Variants in SRBD1 observed in about 807,000 individuals in gnomAD.
SRBD1 encodes S1 RNA-binding domain-containing protein 1.
Under a neutral mutation model 115.3 loss-of-function variants are expected in SRBD1, and 88 were observed. That is an observed-to-expected ratio of 0.76 (90% CI 0.64 to 0.91). The LOEUF is 0.91. SRBD1 is among the 40% of genes least tolerant of loss of function. The pLI, the probability that SRBD1 is intolerant of heterozygous loss-of-function variation, is 0.00. For missense variants in SRBD1, 1,385 were observed against 1,177.4 expected, an observed-to-expected ratio of 1.18 and a Z score of -2.58; for synonymous variants, 509 against 407.7, an observed-to-expected ratio of 1.25 and a Z score of -2.99.
At chr2:45,444,951 T>A (rs769768210) in intron 16 of SRBD1, among the ~76,000 whole-genome samples, 1 of 152,180 alleles carries the variant, frequency 6.6e-6, no homozygotes, top group Non-Finnish European at 1.5e-5. Flanking sequence ...TGCCAGATGA[T>A]GAACATAAAA....
intron 16 of SRBD1, among the ~76,000 whole-genome samples, chr2:45,428,469 T>G (rs1050928875): frequency 3.3e-5 from 5 of 151,944 alleles, no homozygotes; most frequent in Non-Finnish European, 7.4e-5. Flanking sequence ...GAGAATGGCG[T>G]GAACCCGGGA....
At chr2:45,479,801 T>C (rs1669908036) in intron 15 of SRBD1, among the ~76,000 whole-genome samples, 1 of 152,206 alleles carries the variant, frequency 6.6e-6, no homozygotes, top group Non-Finnish European at 1.5e-5. Context: ...TGGAAGAAGA[T>C]GCTATTTAGG....
At position 45,389,561 on chromosome 2, in the gene SRBD1, G is replaced by A. The variant is rs2103807187; in HGVS notation, c.2737C>T (p.Leu913=). Residue 913 remains leucine, a synonymous_variant, in exon 21 of 21, where the codon CTG becomes TTG. Transcript: ENST00000263736. ...KPDFKRSIVC[L]EDLQIGTVLT... ...ACTGTCCCAATCTGCAGATCTTCCA[G>A]GCATACTATGCTTCTCTTGAAATCA... 1.2e-6 allele frequency: 2 copies of A among 1,613,916 alleles called. No individual in the cohort carries two copies. The highest frequency in any genetic ancestry group is 1.1e-5 in the South Asian group (1 of 91,038).
At chr2:45,479,721 T>C (rs1249779706) in intron 15 of SRBD1, among the ~76,000 whole-genome samples, 1 of 152,200 alleles carries the variant, frequency 6.6e-6, no homozygotes, top group East Asian at 1.9e-4. Context: ...CCAGAAGATC[T>C]AGTTAAGATC....
chr2:45,597,957 C>A (rs898167941), intron 4 of SRBD1, among the ~76,000 whole-genome samples: 1 of 152,186 alleles, frequency 6.6e-6, no homozygotes. Context: ...TCCTCCTGCA[C>A]ACTGCCAACT....
chr2:45,494,594 T>C (rs1332635633), intron 14 of SRBD1, among the ~76,000 whole-genome samples: 1 of 152,218 alleles, frequency 6.6e-6, no homozygotes, highest in Non-Finnish European at 1.5e-5. Flanking sequence ...TAAAAAAATC[T>C]TATAAGAAAA....
rs1238666658 is a variant in SRBD1 at position 45,494,417 on chromosome 2, T to C, written c.1875-6086A>G. 4.6e-5 allele frequency among the ~76,000 whole-genome samples: 7 copies of C among 152,304 alleles called. No homozygotes were observed. In the East Asian group the frequency reaches 1.2e-3, roughly 25 times the overall value. ...TTTACCAAGCTTTCTTTTAAAGTTATTGTGAACTTAAATCTTGGTAAATAC... is the reference window on the plus strand; with the variant it reads ...TTTACCAAGCTTTCTTTTAAAGTTACTGTGAACTTAAATCTTGGTAAATAC... On this transcript the variant is annotated intron_variant, in intron 14 of 20. Coordinates refer to ENST00000263736, the MANE Select transcript of SRBD1 (RefSeq NM_018079.5).
intron 19 of SRBD1, among the ~76,000 whole-genome samples, chr2:45,402,114 C>G (rs1384669237): frequency 2.0e-5 from 3 of 152,112 alleles, no homozygotes. Flanking sequence ...GGGAGCTAGG[C>G]AGAACCTTTT....
chr2:45,535,255 G>A (rs1415638152), intron 14 of SRBD1, among the ~76,000 whole-genome samples: 1 of 151,930 alleles, frequency 6.6e-6, no homozygotes, highest in Non-Finnish European at 1.5e-5. Context: ...TTGTCCATAA[G>A]GGTATTAAGA....
chr2:45,593,420 G>A (rs1048438697), intron 4 of SRBD1, among the ~76,000 whole-genome samples: 10 of 152,142 alleles, frequency 6.6e-5, no homozygotes, highest in Non-Finnish European at 1.5e-5. Context: ...ATTATGGGGG[G>A]CGGTTTCCCC....
chr2:45,461,492 T>C (rs927271595), intron 16 of SRBD1, among the ~76,000 whole-genome samples: 2 of 152,210 alleles, frequency 1.3e-5, no homozygotes, highest in African/African-American at 4.8e-5. Flanking sequence ...TTTCAATGGC[T>C]GTTTATGAGT....
chr2:45,591,582 A>G (rs1197515676), intron 4 of SRBD1, among the ~76,000 whole-genome samples: 1 of 152,164 alleles, frequency 6.6e-6, no homozygotes, highest in Non-Finnish European at 1.5e-5. Flanking sequence ...AGATCAGGTG[A>G]GAAATGGAAA....
chr2:45,477,872 T>C (rs1380296038), intron 15 of SRBD1, among the ~76,000 whole-genome samples: 3 of 152,202 alleles, frequency 2.0e-5, no homozygotes, highest in Admixed American at 1.3e-4. Flanking sequence ...CATCCCTTTC[T>C]TGACCATTAC....
chr2:45,401,962 A>C (rs1361752883), intron 19 of SRBD1, among the ~76,000 whole-genome samples: 3 of 152,194 alleles, frequency 2.0e-5, no homozygotes, highest in Non-Finnish European at 4.4e-5. Context: ...TCTGAAGGCA[A>C]TTCTCAAGGA....
chr2:45,596,929 AACACACACAC>A (rs3223332), intron 4 of SRBD1, among the ~76,000 whole-genome samples: 4 of 143,130 alleles, frequency 2.8e-5, no homozygotes, highest in East Asian at 2.1e-4. Flanking sequence ...CCACAACCCT[AACACACACAC>A]ACACACACAC....
intron 4 of SRBD1, among the ~76,000 whole-genome samples, chr2:45,592,257 C>G (rs1051377157): frequency 6.6e-6 from 1 of 152,090 alleles, no homozygotes; most frequent in African/African-American, 2.4e-5. Context: ...AGCATGAAAA[C>G]AGACTAATAC....
intron 19 of SRBD1, among the ~76,000 whole-genome samples, chr2:45,404,791 A>G (rs144946674): frequency 6.6e-6 from 1 of 152,232 alleles, no homozygotes; most frequent in African/African-American, 2.4e-5. Flanking sequence ...CCCCTATAGT[A>G]GCCTCCCAAT....
intron 4 of SRBD1, among the ~76,000 whole-genome samples, chr2:45,595,416 C>A (rs768249224): frequency 2.6e-5 from 4 of 152,202 alleles, no homozygotes; most frequent in Non-Finnish European, 5.9e-5. Flanking sequence ...CCATTCCTTG[C>A]TAACTAGATA....
intron 14 of SRBD1, among the ~76,000 whole-genome samples, chr2:45,489,123 G>C (rs552886796): frequency 1.3e-5 from 2 of 152,204 alleles, no homozygotes; most frequent in Admixed American, 6.5e-5. Context: ...TACAGCTTAT[G>C]AAAAATTTTT....
Sources: gnomAD v4.1 joint callset for allele counts (sites outside exome capture counted in the v4.1 genomes callset) on GRCh38, gnomAD v4.1.1 for gene constraint, MANE v1.5 for transcripts, NCBI Gene and HGNC (gene_info 2026-07-23, HGNC 2026-07-21) for gene names.